The following EIF3F variants were observed in gnomAD, a reference collection of about 807,000 sequenced individuals.
EIF3F encodes deubiquitinating enzyme eIF3f.
A neutral mutation model predicts 36.0 loss-of-function variants in EIF3F; 8 were observed. The observed-to-expected ratio is 0.22, with a 90% CI of 0.13 to 0.40. EIF3F has a LOEUF of 0.40. Ranked by LOEUF, EIF3F falls within the 10% of genes least tolerant of loss-of-function variation. The probability of loss-of-function intolerance (pLI) is 1.00; values close to 1 mark genes in which losing one functional copy is unlikely to be tolerated. For missense variants in EIF3F, 430 were observed against 467.6 expected (o/e 0.92, Z 0.74); for synonymous variants, 184 against 188.5 (o/e 0.98, Z 0.19).
At chr11:7,990,622 A>G (rs1942080595) in intron 1 of EIF3F, among the ~76,000 whole-genome samples, 1 of 152,186 alleles carries the variant, frequency 6.6e-6, no homozygotes, top group African/African-American at 2.4e-5. Flanking sequence ...AAGTCTGTTC[A>G]ACGCTGATGA....
At chr11:7,992,277 A>G in intron 3 of EIF3F, 114 bp downstream of exon 3, 1 of 916,886 alleles carries the variant, frequency 1.1e-6, no homozygotes, top group Non-Finnish European at 1.7e-6. Context: ...GAGTATTGCA[A>G]GTGTATTACT....
intron 3 of EIF3F, 150 bp downstream of exon 3, chr11:7,992,313 G>A (rs1364687470): frequency 1.4e-6 from 1 of 709,624 alleles, no homozygotes; most frequent in African/African-American, 1.8e-5. Flanking sequence ...CTCAATGCCT[G>A]TAATCCCAGC....
chr11:7,987,728 G>C lies in EIF3F; in HGVS notation c.364+12G>C, dbSNP rs371582679. The C allele has an allele frequency of 6.7e-7, 1 of 1,500,184 alleles. No homozygotes were observed. Among genetic ancestry groups the C allele is most frequent in the South Asian group, 1.4e-5 (1 of 73,934 alleles). 92.9% of individuals were successfully genotyped at this position (1,500,184 alleles called of 1,614,324 possible). On this transcript the variant is annotated intron_variant, in intron 1 of 7. Coordinates refer to ENST00000651655, the MANE Select transcript of EIF3F (RefSeq NM_003754.3). The stretch of plus-strand genomic sequence containing the variant: ...CGGGACCCTGTTGGGTGAGTGGTCA[G>C]AGAAAGTTAACATTCTTTTCTTCCT...
rs1053755521 is a variant in EIF3F, at chr11:8,000,641, A to C, written c.*4619A>C. On this transcript the variant is annotated 3_prime_UTR_variant, in exon 8 of 8. Coordinates refer to ENST00000651655, the MANE Select transcript of EIF3F (RefSeq NM_003754.3). Reference sequence around the variant, plus strand: ...ACATCACATTGTACAAAATACATACAGTTTTTGTCAATTTAAAGATATCAG... The same window carrying C: ...ACATCACATTGTACAAAATACATACCGTTTTTGTCAATTTAAAGATATCAG... 17 of 152,224 alleles carry C rather than the reference A, an allele frequency of 1.1e-4. No individual in the cohort carries two copies. Among genetic ancestry groups the C allele is most frequent in the South Asian group, 6.2e-4 (3 of 4,834 alleles). 9.4% of individuals were successfully genotyped at this position (152,224 alleles called of 1,614,324 possible).
chr11:7,992,875 TC>T lies in EIF3F; in HGVS notation c.516-10del. 1.2e-6 allele frequency: 2 copies of T among 1,613,954 alleles called. No individual in the cohort carries two copies. The highest frequency in any genetic ancestry group is 1.7e-6 in the Non-Finnish European group (2 of 1,180,016). ...TATAGACAGGAGTCCACCACTGTGT[TC>T]CATTTCACAGGTACGCTACGGGCCA... On this transcript the variant is annotated splice_polypyrimidine_tract_variant and intron_variant, in intron 3 of 7. Transcript: ENST00000651655.
chr11:7,987,382 T>C lies in EIF3F; in HGVS notation c.30T>C (p.Ala10=), dbSNP rs749554050. ...CCACACCGGCGGTACCAGTAAGTGC[T>C]CCTCCGGCCACGCCAACCCCAGTCC... The part of the protein sequence containing the change: MATPAVPVS[A]PPATPTPVPA... Residue 10 remains alanine, a synonymous_variant, in exon 1 of 8, where the codon GCT becomes GCC. Coordinates refer to ENST00000651655, the MANE Select transcript of EIF3F (RefSeq NM_003754.3). 1 of 1,597,986 alleles carries C rather than the reference T, an allele frequency of 6.3e-7. No individual in the cohort carries two copies. The highest frequency in any genetic ancestry group is 8.5e-7 in the Non-Finnish European group (1 of 1,178,430).
At chr11:7,989,849 A>C (rs1289639984) in intron 1 of EIF3F, among the ~76,000 whole-genome samples, 1 of 152,258 alleles carries the variant, frequency 6.6e-6, no homozygotes, top group Non-Finnish European at 1.5e-5. Context: ...ACAGGAATGT[A>C]GGTGACAGGA....
intron 7 of EIF3F, 77 bp downstream of exon 7, chr11:7,995,444 T>C (rs1214492797): frequency 1.7e-6 from 2 of 1,207,170 alleles, no homozygotes; most frequent in South Asian, 2.4e-5. Flanking sequence ...GTGAAAAGAG[T>C]TGGGTGAGGT....
At position 7,995,059 on chromosome 11, in the gene EIF3F, G is replaced by A. The variant is rs753092228; in HGVS notation, c.823G>A (p.Ala275Thr). The change falls in exon 6 of 8, where the codon GCA becomes ACA. Residue 275 changes from alanine (A) to threonine (T), a missense_variant. Ala to Thr is a moderately conservative substitution (Grantham distance 58). Around this residue, in one of 2 missense-constraint regions of EIF3F, gnomAD observed 262 missense variants for 347.4 expected, o/e 0.75. Transcript: ENST00000651655. ...LSSDLQQVGG[A>T]SARIQDALST... ...AAGTGACTTGCAGCAAGTAGGAGGG[G>A]CATCAGCTCGCATCCAGGATGCCCT... 6.2e-7 allele frequency: 1 copy of A among 1,613,974 alleles called. No individual in the cohort carries two copies. Among genetic ancestry groups the A allele is most frequent in the South Asian group, 1.1e-5 (1 of 91,076 alleles).
At position 7,999,484 on chromosome 11, in the gene EIF3F, ATT is replaced by A. The variant is rs1174297337; in HGVS notation, c.*3465_*3466del. ...TAATTACAATAAAATACAAAGAGCT[ATT>A]TTGGAACTGGGCAAGCTGTTTCTAA... On this transcript the variant is annotated 3_prime_UTR_variant, in exon 8 of 8. Coordinates refer to ENST00000651655, the MANE Select transcript of EIF3F (RefSeq NM_003754.3). 1.3e-5 allele frequency: 2 copies of A among 152,216 alleles called. No homozygotes were observed. Among genetic ancestry groups the A allele is most frequent in the Non-Finnish European group, 2.9e-5 (2 of 68,040 alleles). 9.4% of individuals were successfully genotyped at this position (152,216 alleles called of 1,614,324 possible).
At position 8,001,407 on chromosome 11, in the gene EIF3F, A is replaced by C. The variant is rs185915577; in HGVS notation, c.*5385A>C. The C allele has an allele frequency of 6.6e-6, 1 of 152,356 alleles. No homozygotes were observed. The highest frequency in any genetic ancestry group is 1.9e-4 in the East Asian group (1 of 5,188). The allele number at this position is 152,356 out of a possible 1,614,324, so 9.4% of individuals were successfully genotyped here. ...CTACAAATAAACTGGTCTCGTTATG[A>C]CACAATGTAATGAATACATAGATAA... On this transcript the variant is annotated 3_prime_UTR_variant, in exon 8 of 8. Coordinates refer to ENST00000651655, the MANE Select transcript of EIF3F (RefSeq NM_003754.3).
Position 7,994,497 on chromosome 11 carries a change from A to G in EIF3F, c.725A>G (p.Tyr242Cys), listed in dbSNP as rs748512155. Residue 242 changes from tyrosine to cysteine, a missense_variant, in exon 5 of 8, where the codon TAC (tyrosine) becomes TGC (cysteine). Tyr to Cys is a radical substitution (Grantham distance 194). Transcript: ENST00000651655. ...CCTCTGACAGTGAAATACGCGTACT[A>G]CGACACTGAACGCATCGGAGGTGAG... Reference protein sequence around the residue: ...FTPLTVKYAYYDTERIGVDLI... With the variant: ...FTPLTVKYAYCDTERIGVDLI... The G allele has an allele frequency of 1.9e-6, 3 of 1,613,796 alleles. No individual in the cohort carries two copies. The highest frequency in any genetic ancestry group is 1.7e-5 in the Admixed American group (1 of 59,982).
rs967958054 is a variant in EIF3F at position 7,999,199 on chromosome 11, T to G, written c.*3177T>G. On this transcript the variant is annotated 3_prime_UTR_variant, in exon 8 of 8. Coordinates refer to ENST00000651655, the MANE Select transcript of EIF3F (RefSeq NM_003754.3). The stretch of plus-strand genomic sequence containing the variant: ...GCAGGAGAATCTCGAACCCAGGAGG[T>G]AGGGGTTGCAGTGAGCTGAGATCGC... 1 of 152,054 alleles carries G rather than the reference T, an allele frequency of 6.6e-6. No homozygotes were observed. Among genetic ancestry groups the G allele is most frequent in the Non-Finnish European group, 1.5e-5 (1 of 68,028 alleles). The allele number at this position is 152,054 out of a possible 1,614,324, so 9.4% of individuals were successfully genotyped here. A position where few individuals can be genotyped will look rare whatever the true frequency, so the allele number is the denominator to read the frequency against.
chr11:7,998,690 A>G lies in EIF3F; in HGVS notation c.*2668A>G, dbSNP rs1026110056. Reference sequence around the variant, plus strand: ...AGTCTGCAAAAAATGAGAATTGACTATTATGTGTGTGTATATTATATATAT... The same window carrying G: ...AGTCTGCAAAAAATGAGAATTGACTGTTATGTGTGTGTATATTATATATAT... On this transcript the variant is annotated 3_prime_UTR_variant, in exon 8 of 8. Coordinates refer to ENST00000651655, the MANE Select transcript of EIF3F (RefSeq NM_003754.3). The G allele has an allele frequency of 6.6e-6, 1 of 152,180 alleles. No individual in the cohort carries two copies. The highest frequency in any genetic ancestry group is 2.4e-5 in the African/African-American group (1 of 41,450). 9.4% of individuals were successfully genotyped at this position (152,180 alleles called of 1,614,324 possible). A position where few individuals can be genotyped will look rare whatever the true frequency, so the allele number is the denominator to read the frequency against.
intron 4 of EIF3F, among the ~76,000 whole-genome samples, chr11:7,993,894 T>C (rs1448951083): frequency 6.6e-6 from 1 of 152,114 alleles, no homozygotes; most frequent in Non-Finnish European, 1.5e-5. Flanking sequence ...TATATATATG[T>C]ATATATATGT....
Position 7,997,455 on chromosome 11 carries a change from T to G in EIF3F, c.*1433T>G, listed in dbSNP as rs1393553255. 1 of 152,128 alleles carries G rather than the reference T, an allele frequency of 6.6e-6. No individual in the cohort carries two copies. The highest frequency in any genetic ancestry group is 1.5e-5 in the Non-Finnish European group (1 of 68,034). 9.4% of individuals were successfully genotyped at this position (152,128 alleles called of 1,614,324 possible). A position where few individuals can be genotyped will look rare whatever the true frequency, so the allele number is the denominator to read the frequency against. On this transcript the variant is annotated 3_prime_UTR_variant, in exon 8 of 8. Transcript: ENST00000651655. ...TAGGGAAGAAACAAAATTTTAAATT[T>G]GAGAAATAAGCATAGAAAAGGTGGA...
In EIF3F at chr11:7,987,534, A is replaced by G; in HGVS notation, c.182A>G (p.Gln61Arg). The G allele has an allele frequency of 1.9e-6, 3 of 1,604,458 alleles. No homozygotes were observed. The highest frequency in any genetic ancestry group is 2.5e-6 in the Non-Finnish European group (3 of 1,176,544). ...GCGGCTGCAACTGCGGCTCCTGGCC[A>G]GACCCCGGCCTCAGCGCAAGCTCCA... ...AAAAATAAPG[Q>R]TPASAQAPAQ... Residue 61 changes from glutamine (Q) to arginine (R), a missense_variant, in exon 1 of 8, where the codon CAG becomes CGG. Gln to Arg is a conservative substitution (Grantham distance 43). This residue lies in a region of EIF3F where 168 missense variants were observed against 120.2 expected (regional missense o/e 1.40). Coordinates refer to ENST00000651655, the MANE Select transcript of EIF3F (RefSeq NM_003754.3).
chr11:7,991,933 TAAC>T, intron 2 of EIF3F, 82 bp downstream of exon 2: 1 of 1,138,308 alleles, frequency 8.8e-7, no homozygotes, highest in Non-Finnish European at 1.2e-6. Flanking sequence ...CCCACACTCA[TAAC>T]TAGAGCTCCT....
intron 3 of EIF3F, chr11:7,992,546 C>T (rs1394397871): frequency 7.0e-6 from 3 of 428,814 alleles, no homozygotes; most frequent in Non-Finnish European, 1.3e-5. Context: ...CACTGCATTC[C>T]AGCCTGAGTG....
Sources: allele counts gnomAD v4.1 joint callset (sites outside exome capture counted in the v4.1 genomes callset), GRCh38; gene constraint gnomAD v4.1.1; regional missense constraint gnomAD v4.1.1; transcripts MANE v1.5; gene names NCBI Gene and HGNC (gene_info 2026-07-23, HGNC 2026-07-21).